The following NHSL2 variants were observed in gnomAD, a reference collection of about 807,000 sequenced individuals.
NHSL2 encodes the protein NHS-like protein 2.
NHSL2 carries 27 observed loss-of-function variants against 53.4 expected under a neutral mutation model. The ratio of observed to expected loss-of-function variants is 0.51; its 90% CI spans 0.37 to 0.70. The LOEUF (loss-of-function observed/expected upper bound fraction) is 0.70. NHSL2 is among the 30% of genes least tolerant of loss of function. NHSL2 has a pLI of 0.00. For missense variants in NHSL2, 892 were observed against 980.1 expected, an observed-to-expected ratio of 0.91 and a Z score of 1.20; for synonymous variants, 408 against 404.1, an observed-to-expected ratio of 1.01 and a Z score of -0.12.
In NHSL2 at chrX:72,000,181, C is replaced by T. The variant is rs771044011; in HGVS notation, c.280+88814C>T. On this transcript the variant is annotated intron_variant, in intron 1 of 7. Transcript: ENST00000633930. Reference sequence around the variant, plus strand: ...CGGTCCTACATATGAATTATGATCTCATCAAACACATTGAAGGAAAGAAAA... The same window carrying T: ...CGGTCCTACATATGAATTATGATCTTATCAAACACATTGAAGGAAAGAAAA... Among the ~76,000 whole-genome samples the T allele has an allele frequency of 1.2e-4, 13 of 111,789 alleles. No homozygotes were observed. The South Asian group carries it at 4.9e-3, about 42-fold the overall frequency.
intron 1 of NHSL2, among the ~76,000 whole-genome samples, chrX:71,921,434 AAG>A (rs959413571): frequency 9.1e-6 from 1 of 109,769 alleles, no homozygotes; most frequent in Non-Finnish European, 1.9e-5. Flanking sequence ...AAAAAAAAAA[AAG>A]AGAGAGAGAG....
At chrX:72,134,428 C>G in intron 3 of NHSL2, 81 bp from the exon 4 acceptor site, 4 of 917,234 alleles carry the variant, frequency 4.4e-6, no homozygotes, top group Non-Finnish European at 6.1e-6. Context: ...CTCCAACTAC[C>G]CAGCCTAAAC....
chrX:72,115,680 G>A lies in NHSL2; in HGVS notation c.281-16399G>A, dbSNP rs781405038. 1.6e-4 allele frequency among the ~76,000 whole-genome samples: 18 copies of A among 110,597 alleles called. No homozygotes were observed. In the Admixed American group the frequency reaches 1.6e-3, roughly 10 times the overall value. ...GGATAAGACAACCCCCTTGTGATAT[G>A]CAACTGCTCAGTGGATGTCCTGCCA... On this transcript the variant is annotated intron_variant, in intron 1 of 7. Transcript: ENST00000633930.
intron 1 of NHSL2, among the ~76,000 whole-genome samples, chrX:72,116,685 G>A (rs2042141431): frequency 9.0e-6 from 1 of 111,379 alleles, no homozygotes; most frequent in Non-Finnish European, 1.9e-5. Flanking sequence ...TCAAGCTCAA[G>A]TTTCCTCAAG....
At chrX:72,031,136 A>G (rs2042212922) in intron 1 of NHSL2, among the ~76,000 whole-genome samples, 1 of 112,081 alleles carries the variant, frequency 8.9e-6, no homozygotes, top group Admixed American at 9.4e-5. Context: ...TGTGCAATAA[A>G]GAGTTCTAGG....
chrX:72,032,285 C>T (rs770150782), intron 1 of NHSL2, among the ~76,000 whole-genome samples: 4 of 110,695 alleles, frequency 3.6e-5, no homozygotes, highest in African/African-American at 9.9e-5. Context: ...CCCAGCTATT[C>T]GGGAGGCTAA....
chrX:71,980,427 T>C (rs968875847), intron 1 of NHSL2, among the ~76,000 whole-genome samples: 2 of 111,485 alleles, frequency 1.8e-5, no homozygotes, highest in African/African-American at 3.3e-5. Flanking sequence ...TTGTGTCCTC[T>C]TTTATTTTGT....
At chrX:72,004,086 G>T (rs2042083203) in intron 1 of NHSL2, among the ~76,000 whole-genome samples, 2 of 112,350 alleles carry the variant, frequency 1.8e-5, no homozygotes, top group African/African-American at 3.2e-5. Context: ...TCTGAGCTTT[G>T]GTTTCCTGAT....
chrX:72,006,666 C>T (rs1330082702), intron 1 of NHSL2, among the ~76,000 whole-genome samples: 2 of 112,498 alleles, frequency 1.8e-5, no homozygotes, highest in Non-Finnish European at 3.8e-5. Flanking sequence ...GAGCCTCCTG[C>T]CTCAGCCTCC....
intron 1 of NHSL2, chrX:72,130,030 C>G: frequency 1.7e-6 from 2 of 1,211,245 alleles, no homozygotes; most frequent in Non-Finnish European, 2.2e-6. Context: ...CCTCCGTCTG[C>G]TAGGCTGTAT....
chrX:72,091,872 C>T (rs2041903167), intron 1 of NHSL2, among the ~76,000 whole-genome samples: 1 of 111,530 alleles, frequency 9.0e-6, no homozygotes, highest in Non-Finnish European at 1.9e-5. Flanking sequence ...CATGCAGAAC[C>T]ATTTCTGAAT....
chrX:72,083,701 A>G (rs1166152852), intron 1 of NHSL2, among the ~76,000 whole-genome samples: 3 of 112,417 alleles, frequency 2.7e-5, no homozygotes, highest in Non-Finnish European at 5.6e-5. Context: ...AGAAAAAAAA[A>G]CAATTCACTT....
chrX:72,024,800 C>T (rs955601597), intron 1 of NHSL2, among the ~76,000 whole-genome samples: 2 of 112,070 alleles, frequency 1.8e-5, no homozygotes, highest in Non-Finnish European at 3.8e-5. Flanking sequence ...ACTGCTTGAT[C>T]GTGTTATATT....
At chrX:72,134,452 G>A in intron 3 of NHSL2, 57 bp from the exon 4 acceptor site, 2 of 1,008,410 alleles carry the variant, frequency 2.0e-6, no homozygotes, top group Non-Finnish European at 2.7e-6. Flanking sequence ...CACCCTATGG[G>A]CACTGGCTCA....
At chrX:72,011,757 T>C (rs1178469419) in intron 1 of NHSL2, among the ~76,000 whole-genome samples, 2 of 112,294 alleles carry the variant, frequency 1.8e-5, no homozygotes, top group African/African-American at 6.5e-5. Flanking sequence ...TTCCAGTTTC[T>C]TGGCATCCTC....
chrX:71,963,954 TATATACAC>T (rs1187908810), intron 1 of NHSL2, among the ~76,000 whole-genome samples: 1 of 5,113 alleles, frequency 2.0e-4, no homozygotes, highest in African/African-American at 6.2e-4. Context: ...AGTGGCTATA[TATATACAC>T]ATATATATAT....
intron 1 of NHSL2, among the ~76,000 whole-genome samples, chrX:72,004,761 C>T (rs1215284695): frequency 9.2e-6 from 1 of 108,295 alleles, no homozygotes; most frequent in Non-Finnish European, 1.9e-5. Flanking sequence ...CCTTTCAGGC[C>T]CCAGTTTTCA....
At chrX:71,915,240 A>G (rs181715491) in intron 1 of NHSL2, among the ~76,000 whole-genome samples, 9 of 112,211 alleles carry the variant, frequency 8.0e-5, no homozygotes, top group African/African-American at 2.9e-4. Flanking sequence ...GAGTAATAGG[A>G]GAAGATTCAA....
At chrX:71,972,866 T>TTTGTG (rs1556315130) in intron 1 of NHSL2, among the ~76,000 whole-genome samples, 1 of 93,800 alleles carries the variant, frequency 1.1e-5, no homozygotes, top group Non-Finnish European at 2.1e-5. Context: ...ATCTTTATTG[T>TTTGTG]TGTGTGTGTG....
Sources: allele counts gnomAD v4.1 joint callset (sites outside exome capture counted in the v4.1 genomes callset), GRCh38; gene constraint gnomAD v4.1.1; transcripts MANE v1.5; gene names NCBI Gene and HGNC (gene_info 2026-07-23, HGNC 2026-07-21).